SLC44A5: variants seen among roughly 807,000 people sequenced by gnomAD.
The protein encoded by SLC44A5 is choline transporter-like protein 5.
SLC44A5 carries 57 observed loss-of-function variants against 101.8 expected under a neutral mutation model. The observed-to-expected ratio is 0.56, with a 90% CI of 0.45 to 0.70. The LOEUF (loss-of-function observed/expected upper bound fraction) is 0.70, where lower values mean the gene tolerates loss of function less well. Ranked by LOEUF, SLC44A5 falls within the 30% of genes least tolerant of loss-of-function variation. The pLI is 0.00. For synonymous variants in SLC44A5, 281 were observed against 290.9 expected (o/e 0.97, Z 0.35); for missense variants, 737 against 853.1 (o/e 0.86, Z 1.70).
At chr1:75,490,117 T>A (rs1040288906) in intron 2 of SLC44A5, among the ~76,000 whole-genome samples, 3 of 152,140 alleles carry the variant, frequency 2.0e-5, no homozygotes, top group Non-Finnish European at 4.4e-5. Context: ...ATTTGTCTAT[T>A]ATTTTAATAA....
intron 3 of SLC44A5, among the ~76,000 whole-genome samples, chr1:75,367,179 A>C (rs1035915508): frequency 2.0e-5 from 3 of 152,192 alleles, no homozygotes; most frequent in African/African-American, 7.2e-5. Context: ...CACTTTCAGC[A>C]AGTAAATACC....
At chr1:75,498,835 C>A (rs1668802059) in intron 2 of SLC44A5, among the ~76,000 whole-genome samples, 1 of 152,108 alleles carries the variant, frequency 6.6e-6, no homozygotes, top group Non-Finnish European at 1.5e-5. Context: ...GAATTGTATG[C>A]AATATATTGA....
intron 2 of SLC44A5, among the ~76,000 whole-genome samples, chr1:75,480,233 G>T (rs1667749559): frequency 6.6e-6 from 1 of 152,120 alleles, no homozygotes; most frequent in Non-Finnish European, 1.5e-5. Flanking sequence ...CAGTAAATTA[G>T]GTATTGATGG....
intron 1 of SLC44A5, among the ~76,000 whole-genome samples, chr1:75,542,779 A>G (rs1015446802): frequency 3.3e-5 from 5 of 152,108 alleles, no homozygotes; most frequent in Non-Finnish European, 5.9e-5. Flanking sequence ...TTTTGTATTC[A>G]CCTTTTGATT....
chr1:75,700,017 T>A, the SLC44A5 span, among the ~76,000 whole-genome samples: 1 of 151,906 alleles, frequency 6.6e-6, no homozygotes, highest in Non-Finnish European at 1.5e-5. Context: ...AAGTCCTGAG[T>A]GACCTACAAA....
intron 1 of SLC44A5, among the ~76,000 whole-genome samples, chr1:75,550,017 G>T (rs571560151): frequency 9.9e-5 from 15 of 152,112 alleles, no homozygotes; most frequent in African/African-American, 2.9e-4. Context: ...GTAATGAGAG[G>T]TCATGTTTTT....
intron 6 of SLC44A5, 104 bp from the exon 7 acceptor site, chr1:75,251,398 T>C (rs1649562131): frequency 1.2e-6 from 1 of 867,058 alleles, no homozygotes; most frequent in African/African-American, 1.7e-5. Flanking sequence ...ATTGGTTTCA[T>C]TATCTACAGA....
chr1:75,481,042 G>A (rs895299311), intron 2 of SLC44A5, among the ~76,000 whole-genome samples: 3 of 152,138 alleles, frequency 2.0e-5, no homozygotes, highest in Non-Finnish European at 4.4e-5. Flanking sequence ...CATGGTACTG[G>A]TACCAAAACA....
At chr1:75,533,269 G>C (rs563463325) in intron 2 of SLC44A5, among the ~76,000 whole-genome samples, 1 of 152,150 alleles carries the variant, frequency 6.6e-6, no homozygotes, top group East Asian at 1.9e-4. Flanking sequence ...TAACTTTTAA[G>C]GAATTTACTG....
At chr1:75,632,922 C>T in the SLC44A5 span, among the ~76,000 whole-genome samples, 13 of 152,160 alleles carry the variant, frequency 8.5e-5, no homozygotes, top group African/African-American at 3.1e-4. Context: ...TTCCCGAAAA[C>T]AGCAAGCCCT....
intron 6 of SLC44A5, among the ~76,000 whole-genome samples, chr1:75,258,188 A>G (rs1650176996): frequency 1.3e-5 from 2 of 152,046 alleles, no homozygotes; most frequent in South Asian, 2.1e-4. Context: ...CCAGTGAGAC[A>G]GAACTGTTCA....
At chr1:75,389,080 A>C (rs1661610807) in intron 3 of SLC44A5, among the ~76,000 whole-genome samples, 1 of 152,188 alleles carries the variant, frequency 6.6e-6, no homozygotes, top group Admixed American at 6.5e-5. Context: ...AAAAAAGACA[A>C]AAAAAGGGTA....
At chr1:75,343,881 A>T (rs1476168740) in intron 3 of SLC44A5, among the ~76,000 whole-genome samples, 1 of 152,144 alleles carries the variant, frequency 6.6e-6, no homozygotes. Flanking sequence ...GTCCCACCAA[A>T]TAATAAGGAA....
chr1:75,608,202 CA>C (rs139572909), intron 1 of SLC44A5, among the ~76,000 whole-genome samples: 2 of 149,126 alleles, frequency 1.3e-5, no homozygotes, highest in African/African-American at 2.5e-5. Context: ...AAACAAAAAA[CA>C]AAAAAAAACA....
chr1:75,514,754 GATCTATAAGTAC>G (rs1669737210), intron 2 of SLC44A5, among the ~76,000 whole-genome samples: 1 of 152,172 alleles, frequency 6.6e-6, no homozygotes, highest in African/African-American at 2.4e-5. Flanking sequence ...GAACTACACT[GATCTATAAGTAC>G]AAACCCAGAC....
At chr1:75,642,390 A>C in the SLC44A5 span, among the ~76,000 whole-genome samples, 1 of 152,128 alleles carries the variant, frequency 6.6e-6, no homozygotes, top group Non-Finnish European at 1.5e-5. Flanking sequence ...GAATATGGTC[A>C]TCACGTGAGC....
chr1:75,409,523 C>T (rs1663138860), intron 2 of SLC44A5, among the ~76,000 whole-genome samples: 1 of 151,914 alleles, frequency 6.6e-6, no homozygotes, highest in South Asian at 2.1e-4. Flanking sequence ...AGAAAGGCAA[C>T]AGAGAAAGGG....
intron 3 of SLC44A5, among the ~76,000 whole-genome samples, chr1:75,351,377 A>C (rs1658643874): frequency 6.6e-6 from 1 of 152,148 alleles, no homozygotes; most frequent in Non-Finnish European, 1.5e-5. Context: ...GAAAAAAAAT[A>C]ATAAACTTGG....
intron 3 of SLC44A5, among the ~76,000 whole-genome samples, chr1:75,361,752 A>G (rs2101117936): frequency 6.6e-6 from 1 of 152,116 alleles, no homozygotes; most frequent in South Asian, 2.1e-4. Context: ...ATTTGCTAGT[A>G]TTTTGTTGAG....
Sources: gnomAD v4.1 joint callset for allele counts (sites outside exome capture counted in the v4.1 genomes callset) on GRCh38, gnomAD v4.1.1 for gene constraint, MANE v1.5 for transcripts, NCBI Gene and HGNC (gene_info 2026-07-23, HGNC 2026-07-21) for gene names.